The following VAT1L variants were observed in gnomAD, a reference collection of about 807,000 sequenced individuals.
VAT1L encodes the protein vesicle amine transport 1 like.
VAT1L carries 34 observed loss-of-function variants against 44.1 expected under a neutral mutation model. The ratio of observed to expected loss-of-function variants is 0.77; its 90% CI spans 0.59 to 1.03. The LOEUF (loss-of-function observed/expected upper bound fraction) is 1.03. VAT1L is among the 50% of genes least tolerant of loss of function. The pLI is 0.00. For missense variants in VAT1L, 615 were observed against 538.8 expected, an observed-to-expected ratio of 1.14 and a Z score of -1.40; for synonymous variants, 253 against 202.2, an observed-to-expected ratio of 1.25 and a Z score of -2.13.
intron 8 of VAT1L, among the ~76,000 whole-genome samples, chr16:77,975,437 C>G (rs570246595): frequency 2.6e-5 from 4 of 151,966 alleles, no homozygotes; most frequent in African/African-American, 4.8e-5. Context: ...TTCTTGAAAT[C>G]CTGACCTCAG....
chr16:77,872,917 G>T (rs2017047321), intron 4 of VAT1L, among the ~76,000 whole-genome samples: 1 of 152,174 alleles, frequency 6.6e-6, no homozygotes, highest in Admixed American at 6.5e-5. Context: ...GGGTAAATTT[G>T]TGGGACTCTG....
intron 1 of VAT1L, among the ~76,000 whole-genome samples, chr16:77,799,637 C>T (rs2016010979): frequency 6.6e-6 from 1 of 151,796 alleles, no homozygotes; most frequent in African/African-American, 2.4e-5. Flanking sequence ...GGATAAGAAG[C>T]ACATGAGACT....
At chr16:77,811,553 T>G (rs952143710) in intron 1 of VAT1L, among the ~76,000 whole-genome samples, 2 of 152,174 alleles carry the variant, frequency 1.3e-5, no homozygotes, top group Non-Finnish European at 2.9e-5. Flanking sequence ...ATATTCCCAG[T>G]TCTGGTACGA....
intron 8 of VAT1L, among the ~76,000 whole-genome samples, chr16:77,974,848 C>T (rs2018318571): frequency 6.6e-6 from 1 of 152,106 alleles, no homozygotes; most frequent in South Asian, 2.1e-4. Flanking sequence ...GGATTATAGA[C>T]ATGAGACACT....
chr16:77,864,754 G>C (rs1417034316), intron 4 of VAT1L, among the ~76,000 whole-genome samples: 2 of 152,068 alleles, frequency 1.3e-5, no homozygotes, highest in African/African-American at 4.8e-5. Flanking sequence ...GGGTTCTGAT[G>C]GTCTTAGTTT....
At chr16:77,793,854 A>G (rs192213838) in intron 1 of VAT1L, among the ~76,000 whole-genome samples, 6 of 152,302 alleles carry the variant, frequency 3.9e-5, no homozygotes, top group Non-Finnish European at 2.9e-5. Flanking sequence ...AGTAAATTGG[A>G]GATAGGGAAG....
rs367812135 is a variant in VAT1L at position 77,806,019 on chromosome 16, T to C, written c.234-10902T>C. ...CTGGGATTACAGGCGCCTGCCACCA[T>C]GCCCAGCAAATTTTTATATTTTTAG... On this transcript the variant is annotated intron_variant, in intron 1 of 8. Coordinates refer to ENST00000302536, the MANE Select transcript of VAT1L (RefSeq NM_020927.3). Among the ~76,000 whole-genome samples, 13 of 149,124 alleles carry C rather than the reference T, an allele frequency of 8.7e-5. No homozygotes were observed. In the East Asian group the frequency reaches 1.8e-3, roughly 21 times the overall value.
chr16:77,921,218 G>A (rs1277804695), intron 7 of VAT1L, among the ~76,000 whole-genome samples: 1 of 152,174 alleles, frequency 6.6e-6, no homozygotes, highest in Non-Finnish European at 1.5e-5. Context: ...TTTCTTTCCA[G>A]CTGGAATAAG....
intron 7 of VAT1L, among the ~76,000 whole-genome samples, chr16:77,894,742 C>T (rs1005664175): frequency 2.0e-4 from 30 of 152,040 alleles, no homozygotes; most frequent in Non-Finnish European, 1.2e-4. Flanking sequence ...ATAGAGATAT[C>T]ATATATATGC....
intron 1 of VAT1L, among the ~76,000 whole-genome samples, chr16:77,808,007 T>A (rs2016194298): frequency 6.6e-6 from 1 of 152,060 alleles, no homozygotes; most frequent in African/African-American, 2.4e-5. Context: ...ATGAGCACTT[T>A]GCCTATACTC....
Position 77,978,973 on chromosome 16 carries a change from A to G in VAT1L, c.*1278A>G, listed in dbSNP as rs1198827667. ...AATGCTTAACTATCACTCACAAACA[A>G]ATGTGGAGATACCAGGAGCTCATTT... On this transcript the variant is annotated 3_prime_UTR_variant, in exon 9 of 9. Transcript: ENST00000302536. 2 of 152,128 alleles carry G rather than the reference A, an allele frequency of 1.3e-5. No homozygotes were observed. Among genetic ancestry groups the G allele is most frequent in the African/African-American group, 4.8e-5 (2 of 41,412 alleles). 9.4% of individuals were successfully genotyped at this position (152,128 alleles called of 1,614,324 possible). A position where few individuals can be genotyped will look rare whatever the true frequency, so the allele number is the denominator to read the frequency against.
At chr16:77,956,246 A>T (rs1430942595) in intron 7 of VAT1L, among the ~76,000 whole-genome samples, 3 of 152,192 alleles carry the variant, frequency 2.0e-5, no homozygotes, top group Admixed American at 2.0e-4. Context: ...AAAATTTTTA[A>T]TTAAAAAGAA....
At chr16:77,859,383 C>T (rs1896792) in intron 3 of VAT1L, among the ~76,000 whole-genome samples, 53,421 of 151,968 alleles carry the variant, frequency 0.35, 10,214 homozygotes, top group East Asian at 0.52. Flanking sequence ...CAAATGCTAA[C>T]TGTGGTGGCT....
At chr16:77,804,411 C>G (rs544736135) in intron 1 of VAT1L, among the ~76,000 whole-genome samples, 28 of 152,276 alleles carry the variant, frequency 1.8e-4, no homozygotes, top group East Asian at 3.9e-4. Flanking sequence ...AAAACTGGCT[C>G]TAGACATTTA....
At chr16:77,903,386 C>G (rs2017404969) in intron 7 of VAT1L, among the ~76,000 whole-genome samples, 1 of 152,182 alleles carries the variant, frequency 6.6e-6, no homozygotes. Flanking sequence ...GACTTTGCAA[C>G]AGGTAGTTAG....
rs561192777 is a variant in VAT1L at position 77,836,592 on chromosome 16, C to T, written c.579+11131C>T. Among the ~76,000 whole-genome samples, 6 of 152,214 alleles carry T rather than the reference C, an allele frequency of 3.9e-5. No individual in the cohort carries two copies. In the South Asian group the frequency reaches 8.3e-4, roughly 21 times the overall value. On this transcript the variant is annotated intron_variant, in intron 3 of 8. Coordinates refer to ENST00000302536, the MANE Select transcript of VAT1L (RefSeq NM_020927.3). Reference sequence around the variant, plus strand: ...GACATTTCTGAGATATGTTGTGGAACGAGGGCCCCGCCTCCTTGCTCCCAG... The same window carrying T: ...GACATTTCTGAGATATGTTGTGGAATGAGGGCCCCGCCTCCTTGCTCCCAG...
chr16:77,858,314 G>T (rs543558837), intron 3 of VAT1L, among the ~76,000 whole-genome samples: 9 of 152,280 alleles, frequency 5.9e-5, no homozygotes, highest in Middle Eastern at 6.8e-3. Flanking sequence ...GGAAGGGAGG[G>T]CATAATGAGA....
chr16:77,953,893 T>A (rs1263514543), intron 7 of VAT1L, among the ~76,000 whole-genome samples: 1 of 152,184 alleles, frequency 6.6e-6, no homozygotes, highest in Non-Finnish European at 1.5e-5. Context: ...CAAGCCCACC[T>A]ACTGCATTTC....
At position 77,795,289 on chromosome 16, in the gene VAT1L, GAA is replaced by G. The variant is rs201805511; in HGVS notation, c.233+6376_233+6377del. Among the ~76,000 whole-genome samples, 593 of 142,926 alleles carry G rather than the reference GAA, an allele frequency of 4.1e-3. 9 individuals are homozygous for G. Among genetic ancestry groups the G allele is most frequent in the African/African-American group, 0.014 (561 of 39,124 alleles). The allele number at this position is 142,926 out of a possible 152,430, so 93.8% of individuals were successfully genotyped here. A position where few individuals can be genotyped will look rare whatever the true frequency, so the allele number is the denominator to read the frequency against. ...GTAGAATTTACAGTGGGGGCGGGGG[GAA>G]AGATTGAGAAATTAAGATTTGTTTT... On this transcript the variant is annotated intron_variant, in intron 1 of 8. Coordinates refer to ENST00000302536, the MANE Select transcript of VAT1L (RefSeq NM_020927.3).
Sources: gnomAD v4.1 joint callset for allele counts (sites outside exome capture counted in the v4.1 genomes callset) on GRCh38, gnomAD v4.1.1 for gene constraint, MANE v1.5 for transcripts, NCBI Gene and HGNC (gene_info 2026-07-23, HGNC 2026-07-21) for gene names.